The following DCDC2C variants were observed in gnomAD, a reference collection of about 807,000 sequenced individuals.
DCDC2C encodes the protein doublecortin domain-containing protein 2C.
A neutral mutation model predicts 45.0 loss-of-function variants in DCDC2C; 44 were observed. The ratio of observed to expected loss-of-function variants is 0.98; its 90% CI spans 0.77 to 1.26. The LOEUF (loss-of-function observed/expected upper bound fraction) is 1.26, where lower values mean the gene tolerates loss of function less well. DCDC2C is among the 50% of genes most tolerant of loss of function. The pLI, the probability that DCDC2C is intolerant of heterozygous loss-of-function variation, is 0.00. For synonymous variants in DCDC2C, 187 were observed against 178.8 expected (o/e 1.05, Z -0.37); for missense variants, 447 against 468.9 (o/e 0.95, Z 0.43).
At chr2:3,736,599 T>TC (rs921492911) in intron 3 of DCDC2C, among the ~76,000 whole-genome samples, 2 of 152,138 alleles carry the variant, frequency 1.3e-5, no homozygotes, top group Non-Finnish European at 2.9e-5. Flanking sequence ...GAGCTGTTTC[T>TC]CCCCACGAGC....
intron 1 of DCDC2C, among the ~76,000 whole-genome samples, chr2:3,706,853 T>C (rs897101762): frequency 3.9e-5 from 6 of 152,220 alleles, no homozygotes; most frequent in African/African-American, 1.4e-4. Flanking sequence ...ATCCTGGCTT[T>C]GTCTACCTGA....
chr2:3,767,671 C>T (rs763334781), intron 6 of DCDC2C, 83 bp from the exon 7 acceptor site: 18 of 1,487,718 alleles, frequency 1.2e-5, no homozygotes, highest in Non-Finnish European at 1.4e-5. Flanking sequence ...CTTGTGTCTT[C>T]CTGACCACAC....
At chr2:3,731,829 C>T (rs1470813936) in intron 3 of DCDC2C, among the ~76,000 whole-genome samples, 4 of 152,198 alleles carry the variant, frequency 2.6e-5, no homozygotes, top group Non-Finnish European at 5.9e-5. Flanking sequence ...GAGGCCATGT[C>T]ATAGTCCCAG....
chr2:3,757,275 A>T (rs1370822224), intron 6 of DCDC2C, among the ~76,000 whole-genome samples: 2 of 152,114 alleles, frequency 1.3e-5, no homozygotes, highest in Non-Finnish European at 2.9e-5. Flanking sequence ...TTGCCACAAC[A>T]TCTTTTTGGA....
At chr2:3,713,901 C>G (rs890692501) in intron 2 of DCDC2C, among the ~76,000 whole-genome samples, 12 of 152,172 alleles carry the variant, frequency 7.9e-5, no homozygotes, top group African/African-American at 2.4e-5. Flanking sequence ...GTAGCTGATC[C>G]TATCCAAATT....
rs59416562 is a variant in DCDC2C at position 3,713,421 on chromosome 2, A to C, written c.339+4821A>C. ...GGGGAGCTTCCATAGGAAGAGCACC[A>C]GAATGAGGGCCTTCCCCCCTCTGCT... On this transcript the variant is annotated intron_variant, in intron 2 of 10. Transcript: ENST00000399143. 4.6e-3 allele frequency among the ~76,000 whole-genome samples: 702 copies of C among 152,296 alleles called. 6 individuals are homozygous for C. Among genetic ancestry groups the C allele is most frequent in the African/African-American group, 0.016 (672 of 41,566 alleles).
At chr2:3,785,874 A>G (rs1670638585) in intron 10 of DCDC2C, among the ~76,000 whole-genome samples, 1 of 152,124 alleles carries the variant, frequency 6.6e-6, no homozygotes, top group South Asian at 2.1e-4. Flanking sequence ...GGGGACTTGA[A>G]TCAGCTCTGC....
At chr2:3,847,090 C>A in intron 10 of DCDC2C, 64 bp from the exon 11 acceptor site, 1 of 961,752 alleles carries the variant, frequency 1.0e-6, no homozygotes, top group Non-Finnish European at 1.3e-6. Flanking sequence ...GAACCAGAAA[C>A]AAACTGTGGC....
At position 3,774,988 on chromosome 2, in the gene DCDC2C, C is replaced by T. The variant is rs942352962; in HGVS notation, c.955-3828C>T. ...CCATGTTAGTCAGGCTGGTTTTGAA[C>T]TCTGGACCTCAGGTGATTCACCTGC... On this transcript the variant is annotated intron_variant, in intron 8 of 10. Coordinates refer to ENST00000399143, the MANE Select transcript of DCDC2C (RefSeq NM_001287444.2). Among the ~76,000 whole-genome samples the T allele has an allele frequency of 3.3e-5, 5 of 152,186 alleles. No homozygotes were observed. The South Asian group carries it at 1.0e-3, about 32-fold the overall frequency.
chr2:3,744,383 G>A (rs1431089339), intron 4 of DCDC2C, among the ~76,000 whole-genome samples: 1 of 152,144 alleles, frequency 6.6e-6, no homozygotes. Context: ...GTGGGAAAGC[G>A]GGAGACTGGG....
intron 5 of DCDC2C, among the ~76,000 whole-genome samples, chr2:3,754,296 A>G (rs1669622425): frequency 6.6e-6 from 1 of 152,250 alleles, no homozygotes; most frequent in Non-Finnish European, 1.5e-5. Context: ...CTCACTAAAG[A>G]GGAATTAGAA....
chr2:3,754,490 C>T lies in DCDC2C; in HGVS notation c.684-102C>T, dbSNP rs116241414. The T allele has an allele frequency of 7.7e-5, 90 of 1,166,198 alleles. No individual in the cohort carries two copies. The African/African-American group carries it at 1.0e-3, about 14-fold the overall frequency. 72.2% of individuals were successfully genotyped at this position (1,166,198 alleles called of 1,614,324 possible). On this transcript the variant is annotated intron_variant, in intron 5 of 10. Transcript: ENST00000399143. ...CCTCTGTGGACAGCTTGCTCCTCCTCGTGGTCACTTCCCTCCTAAAGACAA... is the reference window on the plus strand; with the variant it reads ...CCTCTGTGGACAGCTTGCTCCTCCTTGTGGTCACTTCCCTCCTAAAGACAA...
intron 10 of DCDC2C, among the ~76,000 whole-genome samples, chr2:3,820,621 C>A (rs983013320): frequency 5.3e-5 from 8 of 152,110 alleles, no homozygotes; most frequent in African/African-American, 1.9e-4. Context: ...AGTCCGTGAC[C>A]GGTGCCGGAG....
At chr2:3,778,920 T>C in intron 9 of DCDC2C, 36 bp downstream of exon 9, 1 of 1,535,342 alleles carries the variant, frequency 6.5e-7, no homozygotes, top group Non-Finnish European at 8.8e-7. Context: ...ATGGCTTGGA[T>C]CTAAGGCACC....
At chr2:3,779,193 G>A (rs144363460) in intron 9 of DCDC2C, among the ~76,000 whole-genome samples, 81 of 152,358 alleles carry the variant, frequency 5.3e-4, no homozygotes, top group Middle Eastern at 3.4e-3. Context: ...AGCTGGGAAC[G>A]TCCAGGGAGG....
chr2:3,840,224 G>A (rs940004186), intron 10 of DCDC2C, among the ~76,000 whole-genome samples: 2 of 152,138 alleles, frequency 1.3e-5, no homozygotes, highest in African/African-American at 4.8e-5. Context: ...TGTGTAAGCC[G>A]AGCTGGTTTA....
chr2:3,752,809 C>A lies in DCDC2C; in HGVS notation c.592C>A (p.Gln198Lys), dbSNP rs1373108830. ...GHLLGDSKDLQDNHFYVAVGL... is the reference protein window; with the variant it reads ...GHLLGDSKDLKDNHFYVAVGL... Reference sequence around the variant, plus strand: ...TCTTTTGGGCGACTCAAAGGATTTGCAAGACAATCACTTTTATGTTGCTGT... The same window carrying A: ...TCTTTTGGGCGACTCAAAGGATTTGAAAGACAATCACTTTTATGTTGCTGT... The change falls in exon 5 of 11, where the codon CAA (glutamine) becomes AAA (lysine). Residue 198 changes from glutamine (Q) to lysine (K), a missense_variant. By Grantham distance (53) the Gln-to-Lys change is moderately conservative. Coordinates refer to ENST00000399143, the MANE Select transcript of DCDC2C (RefSeq NM_001287444.2). 2 of 1,550,322 alleles carry A rather than the reference C, an allele frequency of 1.3e-6. No homozygotes were observed. Among genetic ancestry groups the A allele is most frequent in the Admixed American group, 2.0e-5 (1 of 50,980 alleles).
At chr2:3,766,498 A>G (rs949349300) in intron 6 of DCDC2C, among the ~76,000 whole-genome samples, 4 of 152,114 alleles carry the variant, frequency 2.6e-5, no homozygotes, top group African/African-American at 9.7e-5. Context: ...CTAAGATCTC[A>G]TTTCTTCTCC....
intron 10 of DCDC2C, among the ~76,000 whole-genome samples, chr2:3,845,554 A>T (rs550254457): frequency 6.6e-6 from 1 of 152,322 alleles, no homozygotes; most frequent in South Asian, 2.1e-4. Flanking sequence ...TTGTTGTTAG[A>T]CTTGACTAGA....
Sources: allele counts gnomAD v4.1 joint callset (sites outside exome capture counted in the v4.1 genomes callset), GRCh38; gene constraint gnomAD v4.1.1; transcripts MANE v1.5; gene names NCBI Gene and HGNC (gene_info 2026-07-23, HGNC 2026-07-21).